Variants in SIL1 observed in about 807,000 individuals in gnomAD.
SIL1 encodes the protein SIL1 nucleotide exchange factor.
In SIL1, 40 loss-of-function variants were observed where a neutral mutation model predicts 49.1. The observed-to-expected ratio is 0.81, with a 90% CI of 0.63 to 1.06. SIL1 has a LOEUF of 1.06. Ranked by LOEUF, SIL1 falls within the 50% of genes least tolerant of loss-of-function variation. The pLI is 0.00. For missense variants in SIL1, 500 were observed against 572.6 expected, an observed-to-expected ratio of 0.87 and a Z score of 1.29; for synonymous variants, 253 against 250.8, an observed-to-expected ratio of 1.01 and a Z score of -0.08.
At chr5:139,027,015 G>C in intron 5 of SIL1, 23 bp from the exon 6 acceptor site, 1 of 1,613,316 alleles carries the variant, frequency 6.2e-7, no homozygotes, top group South Asian at 1.1e-5. Context: ...GCAAAGAGGT[G>C]ATTAAATTGG....
chr5:139,189,284 C>T (rs1047383404), intron 1 of SIL1, among the ~76,000 whole-genome samples: 8 of 152,226 alleles, frequency 5.3e-5, no homozygotes, highest in Admixed American at 3.9e-4. Context: ...CTTGCATTAA[C>T]GCCTGAGCAC....
intron 1 of SIL1, among the ~76,000 whole-genome samples, chr5:139,152,019 A>G (rs1751309959): frequency 6.6e-6 from 1 of 152,232 alleles, no homozygotes; most frequent in Non-Finnish European, 1.5e-5. Context: ...AAGAAGGTGC[A>G]GTGGCTGAGG....
intron 3 of SIL1, among the ~76,000 whole-genome samples, chr5:139,115,113 G>A (rs1010605762): frequency 1.7e-4 from 25 of 150,722 alleles, no homozygotes; most frequent in Non-Finnish European, 2.7e-4. Flanking sequence ...GAGAAGACCC[G>A]TAAGGAAGAT....
intron 9 of SIL1, among the ~76,000 whole-genome samples, chr5:138,949,819 AAAAAGAAAAG>A (rs909698434): frequency 6.6e-6 from 1 of 150,918 alleles, no homozygotes; most frequent in African/African-American, 2.4e-5. Flanking sequence ...AAAAAAAAGA[AAAAAGAAAAG>A]AAAAGAAAAA....
At chr5:139,023,643 G>T (rs1409364209) in intron 6 of SIL1, among the ~76,000 whole-genome samples, 1 of 152,202 alleles carries the variant, frequency 6.6e-6, no homozygotes, top group Non-Finnish European at 1.5e-5. Context: ...GACCTGGTTT[G>T]GGTCCTTGGA....
intron 3 of SIL1, among the ~76,000 whole-genome samples, chr5:139,056,683 G>A (rs1159070044): frequency 3.5e-5 from 5 of 143,192 alleles, no homozygotes; most frequent in South Asian, 2.1e-4. Flanking sequence ...CGCCCCGTCC[G>A]GGAGGGAGGT....
chr5:139,071,761 C>T (rs373136075), intron 3 of SIL1, among the ~76,000 whole-genome samples: 1 of 151,096 alleles, frequency 6.6e-6, no homozygotes, highest in Non-Finnish European at 1.5e-5. Flanking sequence ...TCCACCTTCC[C>T]GGTTCAAGCG....
intron 3 of SIL1, among the ~76,000 whole-genome samples, chr5:139,112,648 G>A (rs7737489): frequency 0.027 from 4,047 of 148,432 alleles, 163 homozygotes; most frequent in African/African-American, 0.095. Flanking sequence ...GCCAGCCCCC[G>A]CCCGGCCAGC....
At chr5:139,175,268 G>A (rs1289705274) in intron 1 of SIL1, among the ~76,000 whole-genome samples, 1 of 152,154 alleles carries the variant, frequency 6.6e-6, no homozygotes, top group Non-Finnish European at 1.5e-5. Context: ...GTTGCAGTGA[G>A]CAAGATCGCA....
chr5:138,984,223 C>G (rs1767598475), intron 7 of SIL1, among the ~76,000 whole-genome samples: 1 of 152,108 alleles, frequency 6.6e-6, no homozygotes, highest in African/African-American at 2.4e-5. Flanking sequence ...GAGATAATAT[C>G]CAGGCTCAAG....
chr5:139,115,704 C>T lies in SIL1; in HGVS notation c.244+5331G>A, dbSNP rs117920439. ...CCCTACCCCCACTCCAATATCTTGCCGCATCTAAACTCTTCCGTTTGGCTG... is the reference window on the plus strand; with the variant it reads ...CCCTACCCCCACTCCAATATCTTGCTGCATCTAAACTCTTCCGTTTGGCTG... On this transcript the variant is annotated intron_variant, in intron 3 of 9. Coordinates refer to ENST00000394817, the MANE Select transcript of SIL1 (RefSeq NM_022464.5). Among the ~76,000 whole-genome samples the T allele has an allele frequency of 3.4e-4, 52 of 152,248 alleles. No individual in the cohort carries two copies. In the East Asian group the frequency reaches 5.2e-3, roughly 15 times the overall value.
chr5:138,990,209 AGGACTGT>A, intron 7 of SIL1, among the ~76,000 whole-genome samples: 1 of 152,164 alleles, frequency 6.6e-6, no homozygotes, highest in African/African-American at 2.4e-5. Context: ...CTAGACAATG[AGGACTGT>A]GGAAAGACAC....
At chr5:139,014,241 C>T in intron 7 of SIL1, 1 of 152,078 alleles carries the variant, frequency 6.6e-6, no homozygotes, top group Non-Finnish European at 1.5e-5. Context: ...GTGGCACACA[C>T]CTGTAATCCC....
intron 4 of SIL1, among the ~76,000 whole-genome samples, chr5:139,043,781 T>C (rs911994018): frequency 2.6e-5 from 4 of 152,236 alleles, no homozygotes; most frequent in African/African-American, 9.6e-5. Flanking sequence ...CTAGCATTCA[T>C]TTTAGTTCAA....
At chr5:139,102,495 AAAAAAAG>A (rs749238398) in intron 3 of SIL1, among the ~76,000 whole-genome samples, 13 of 123,682 alleles carry the variant, frequency 1.1e-4, no homozygotes, top group Non-Finnish European at 1.9e-4. Flanking sequence ...AAAAAAAAAA[AAAAAAAG>A]AGAGAGAGAG....
At chr5:139,025,166 T>A (rs1391239070) in intron 6 of SIL1, among the ~76,000 whole-genome samples, 1 of 151,816 alleles carries the variant, frequency 6.6e-6, no homozygotes. Context: ...TGGGAGTTAG[T>A]AGACACTTGA....
chr5:139,110,041 C>A (rs917853021), intron 3 of SIL1, among the ~76,000 whole-genome samples: 1 of 151,884 alleles, frequency 6.6e-6, no homozygotes, highest in Non-Finnish European at 1.5e-5. Flanking sequence ...TGGTGGCACG[C>A]GCCTGTAGTC....
intron 3 of SIL1, among the ~76,000 whole-genome samples, chr5:139,098,080 A>G (rs907687352): frequency 6.6e-6 from 1 of 152,208 alleles, no homozygotes; most frequent in African/African-American, 2.4e-5. Flanking sequence ...CTTCATAGAA[A>G]TAGAAAAACC....
At chr5:139,135,867 C>T (rs1280921438) in intron 1 of SIL1, among the ~76,000 whole-genome samples, 1 of 152,018 alleles carries the variant, frequency 6.6e-6, no homozygotes, top group East Asian at 1.9e-4. Context: ...GAGCTCGAGA[C>T]CAGCCTGGCC....
Sources: allele counts gnomAD v4.1 joint callset (sites outside exome capture counted in the v4.1 genomes callset), GRCh38; gene constraint gnomAD v4.1.1; transcripts MANE v1.5; gene names NCBI Gene and HGNC (gene_info 2026-07-23, HGNC 2026-07-21).